ZNF215: variants seen among roughly 807,000 people sequenced by gnomAD.
ZNF215 encodes zinc finger protein 215, also known as BWSCR2-associated zinc finger protein 2.
In ZNF215, 24 loss-of-function variants were observed where a neutral mutation model predicts 27.2. The ratio of observed to expected loss-of-function variants is 0.88; its 90% confidence interval spans 0.64 to 1.24. The LOEUF is 1.24. ZNF215 is among the 50% of genes most tolerant of loss of function. The pLI is 0.00. For missense variants in ZNF215, 675 were observed against 605.7 expected (o/e 1.11, Z -1.20); for synonymous variants, 210 against 204.0 (o/e 1.03, Z -0.25).
chr11:6,935,447 C>A (rs1450469938), intron 3 of ZNF215, among the ~76,000 whole-genome samples: 1 of 152,130 alleles, frequency 6.6e-6, no homozygotes, highest in Non-Finnish European at 1.5e-5. Context: ...GTATCACAAG[C>A]TGACCAGTAA....
chr11:6,942,951 C>T, intron 4 of ZNF215, 132 bp from the exon 5 acceptor site: 4 of 1,360,894 alleles, frequency 2.9e-6, no homozygotes, highest in Non-Finnish European at 3.0e-6. Flanking sequence ...GAACCTCAAA[C>T]ATTGTCCTCA....
At position 6,956,144 on chromosome 11, in the gene ZNF215, C is replaced by A. The variant is rs1295943006; in HGVS notation, c.1167C>A (p.Cys389Ter). The A allele has an allele frequency of 1.2e-6, 2 of 1,613,706 alleles. No individual in the cohort carries two copies. The highest frequency in any genetic ancestry group is 2.2e-5 in the South Asian group (2 of 90,982). ...GTTATCAATGTGGGAAAGCCTTCTG[C>A]CGAAGTTCATCCCTTATTCGACATC... ...YECYQCGKAFCRSSSLIRHQI... is the reference protein window; with the variant it reads ...YECYQCGKAF Residue 389 changes from cysteine (C) to a stop codon, truncating the protein, a stop_gained, in exon 7 of 7, where the codon TGC becomes TGA. Coordinates refer to ENST00000278319, the MANE Select transcript of ZNF215 (RefSeq NM_013250.4). LOFTEE classifies it low-confidence loss of function (END_TRUNC).
chr11:6,968,693 A>G (rs1476465803), intron 5 of ZNF215, among the ~76,000 whole-genome samples: 1 of 151,868 alleles, frequency 6.6e-6, no homozygotes, highest in African/African-American at 2.4e-5. Context: ...GGGCAAAATC[A>G]CATCTTTACA....
downstream of ZNF215, among the ~76,000 whole-genome samples, chr11:6,989,349 G>T (rs1851094626): frequency 6.6e-6 from 1 of 152,056 alleles, no homozygotes; most frequent in South Asian, 2.1e-4. Context: ...AAAAGAAGTA[G>T]ACATGGGTTC....
intron 6 of ZNF215, among the ~76,000 whole-genome samples, chr11:6,949,771 C>T (rs1292545035): frequency 2.0e-5 from 3 of 152,200 alleles, no homozygotes; most frequent in African/African-American, 7.2e-5. Context: ...CTTTTGTTTC[C>T]ATTGCTTTTG....
At position 6,934,382 on chromosome 11, in the gene ZNF215, T is replaced by C. The variant is rs142335305; in HGVS notation, c.400+1710T>C. ...AGGGGTGCTTATTTGTAGTGAGTTA[T>C]ATTAGTTTTCTATTGCTACTATAAT... On this transcript the variant is annotated intron_variant, in intron 3 of 6. Transcript: ENST00000278319. Among the ~76,000 whole-genome samples, 367 of 152,330 alleles carry C rather than the reference T, an allele frequency of 2.4e-3. 4 individuals carry two copies. The highest frequency in any genetic ancestry group is 6.8e-3 in the Middle Eastern group (2 of 294).
downstream of ZNF215, among the ~76,000 whole-genome samples, chr11:6,958,317 A>G (rs935219206): frequency 2.0e-5 from 3 of 152,182 alleles, no homozygotes; most frequent in Admixed American, 2.0e-4. Context: ...TGGATGGTTG[A>G]AAGATAGAAG....
chr11:6,961,984 C>T (rs892879159), downstream of ZNF215, among the ~76,000 whole-genome samples: 6 of 152,038 alleles, frequency 3.9e-5, no homozygotes, highest in African/African-American at 1.4e-4. Context: ...TTTGTAGAGC[C>T]GCTTTGGTCC....
At chr11:6,974,754 CTT>C (rs1333671434) in intron 5 of ZNF215, among the ~76,000 whole-genome samples, 2 of 152,102 alleles carry the variant, frequency 1.3e-5, no homozygotes, top group Non-Finnish European at 2.9e-5. Context: ...TATCCTGAGA[CTT>C]TGCTGAAGTT....
intron 6 of ZNF215, among the ~76,000 whole-genome samples, chr11:6,945,171 G>T (rs1471300336): frequency 5.9e-5 from 9 of 151,908 alleles, no homozygotes; most frequent in Admixed American, 5.9e-4. Flanking sequence ...TTACTTACCC[G>T]AATTCTTTAT....
At chr11:6,987,243 C>G (rs1411793830), downstream of ZNF215, among the ~76,000 whole-genome samples, 1 of 152,088 alleles carries the variant, frequency 6.6e-6, no homozygotes, top group Non-Finnish European at 1.5e-5. Context: ...CAGCCGGAAA[C>G]CATTACCTAA....
chr11:6,953,490 T>C (rs1850178258), intron 6 of ZNF215, among the ~76,000 whole-genome samples: 1 of 152,374 alleles, frequency 6.6e-6, no homozygotes, highest in Admixed American at 6.5e-5. Context: ...TCATTTCATC[T>C]TCCATCACTG....
At chr11:6,977,793 A>T (rs1307440908) in intron 5 of ZNF215, among the ~76,000 whole-genome samples, 1 of 152,084 alleles carries the variant, frequency 6.6e-6, no homozygotes, top group Non-Finnish European at 1.5e-5. Context: ...CACTCTTGTG[A>T]CAACAAACCC....
intron 5 of ZNF215, among the ~76,000 whole-genome samples, chr11:6,978,318 A>C (rs530774455): frequency 1.3e-5 from 2 of 152,096 alleles, no homozygotes; most frequent in Non-Finnish European, 2.9e-5. Flanking sequence ...AAAATAATCT[A>C]TGGTTTCATT....
chr11:6,949,850 G>A (rs1849981645), intron 6 of ZNF215, among the ~76,000 whole-genome samples: 1 of 141,466 alleles, frequency 7.1e-6, no homozygotes, highest in Non-Finnish European at 1.7e-5. Context: ...TTCTTCTAGG[G>A]TTTTTATGGT....
downstream of ZNF215, among the ~76,000 whole-genome samples, chr11:6,962,907 C>T (rs550582034): frequency 1.2e-4 from 18 of 152,208 alleles, no homozygotes; most frequent in East Asian, 3.5e-3. Flanking sequence ...CTTGCATCAG[C>T]TATCACCTAT....
intron 5 of ZNF215, among the ~76,000 whole-genome samples, chr11:6,972,118 T>G (rs1850730373): frequency 6.6e-6 from 1 of 152,130 alleles, no homozygotes; most frequent in Non-Finnish European, 1.5e-5. Flanking sequence ...GGAAACTACA[T>G]TAAATGTTTG....
Position 6,970,333 on chromosome 11 carries a change from G to A in ZNF215, c.806-13796G>A, listed in dbSNP as rs1236289053. ...TTATAGATGACAAGCAACTTAAGAG[G>A]CATATTAACCAAGTCCAATGTTTTG... is the stretch of plus-strand genomic sequence containing the variant. On this transcript the variant is annotated intron_variant, in intron 5 of 5. Coordinates refer to the ZNF215 transcript ENST00000529903. 2.0e-5 allele frequency among the ~76,000 whole-genome samples: 3 copies of A among 152,222 alleles called. No individual in the cohort carries two copies. In the East Asian group the frequency reaches 5.8e-4, roughly 29 times the overall value.
At chr11:6,987,356 A>C (rs1365305596), downstream of ZNF215, among the ~76,000 whole-genome samples, 1 of 152,202 alleles carries the variant, frequency 6.6e-6, no homozygotes, top group Non-Finnish European at 1.5e-5. Context: ...AAAAATAGAC[A>C]CTGGGGAATA....
Sources: gnomAD v4.1 joint callset for allele counts (sites outside exome capture counted in the v4.1 genomes callset) on GRCh38, gnomAD v4.1.1 for gene constraint, MANE v1.5 for transcripts, NCBI Gene and HGNC (gene_info 2026-07-23, HGNC 2026-07-21) for gene names.